Variants in POPDC2 observed in about 807,000 individuals in gnomAD.
POPDC2 encodes the protein popeye domain-containing protein 2.
In POPDC2, 24 loss-of-function variants were observed where a neutral mutation model predicts 30.5. That is an observed-to-expected ratio of 0.79 (90% CI 0.57 to 1.11). POPDC2 has a LOEUF of 1.11. Ranked by LOEUF, POPDC2 falls within the 50% of genes least tolerant of loss-of-function variation. The pLI is 0.00. For missense variants in POPDC2, 409 were observed against 447.0 expected (o/e 0.91, Z 0.77); for synonymous variants, 185 against 183.3 (o/e 1.01, Z -0.07).
Position 119,648,531 on chromosome 3 carries a change from G to A in POPDC2, c.738C>T (p.Tyr246=), listed in dbSNP as rs760559312. ...TAGCAAAGAGCTTGTCATTGAGAGT[G>A]TAGAGCTTCTCTGAGATGTCATATC... is the stretch of plus-strand genomic sequence containing the variant. ...LLGYDISEKL[Y]TLNDKLFAKF... is the part of the protein sequence containing the mutation. The change falls in exon 3 of 4, where the codon TAC becomes TAT. Residue 246 remains tyrosine, a synonymous_variant. Coordinates refer to ENST00000493094, the MANE Select transcript of POPDC2 (RefSeq NM_001369919.2). The A allele has an allele frequency of 1.2e-6, 2 of 1,614,050 alleles. No homozygotes were observed. The highest frequency in any genetic ancestry group is 1.7e-6 in the Non-Finnish European group (2 of 1,180,042).
chr3:119,651,663 T>C (rs1042258971), intron 2 of POPDC2, among the ~76,000 whole-genome samples: 5 of 150,142 alleles, frequency 3.3e-5, no homozygotes, highest in Non-Finnish European at 7.4e-5. Flanking sequence ...TGAGACGAAG[T>C]CTTGCTCTGT....
chr3:119,660,661 C>T (rs1023298698), upstream of POPDC2: 8 of 288,038 alleles, frequency 2.8e-5, no homozygotes, highest in Admixed American at 6.7e-5. Context: ...CCTCTCCCCC[C>T]CTCTCTCCTC....
intron 1 of POPDC2, among the ~76,000 whole-genome samples, chr3:119,656,594 G>A (rs2629395): frequency 0.48 from 72,806 of 151,888 alleles, 17,726 homozygotes; most frequent in East Asian, 0.66. Context: ...CATTGATGAT[G>A]CCTGAGGACA....
At position 119,660,234 on chromosome 3, in the gene POPDC2, A is replaced by G. The variant is rs1425196398; in HGVS notation, c.190T>C (p.Cys64Arg). The change falls in exon 1 of 4, where the codon TGC becomes CGC. Residue 64 changes from cysteine (C) to arginine (R), a missense_variant. By Grantham distance (180) the Cys-to-Arg change is radical. Transcript: ENST00000493094. ...FGFLSAGYLC[C>R]VLWGWFSACG... The stretch of plus-strand genomic sequence containing the variant: ...GCACTGAACCAGCCCCACAGCACGC[A>G]GCACAGGTAACCTGCACTCAGGAAG... The G allele has an allele frequency of 1.2e-6, 2 of 1,614,108 alleles. No homozygotes were observed. The highest frequency in any genetic ancestry group is 2.7e-5 in the African/African-American group (2 of 74,928).
In POPDC2 at chr3:119,660,483, A is replaced by G. The variant is rs1453357648; in HGVS notation, c.-60T>C. 2 of 1,531,986 alleles carry G rather than the reference A, an allele frequency of 1.3e-6. No homozygotes were observed. Among genetic ancestry groups the G allele is most frequent in the African/African-American group, 2.8e-5 (2 of 72,630 alleles). 94.9% of individuals were successfully genotyped at this position (1,531,986 alleles called of 1,614,324 possible). On this transcript the variant is annotated 5_prime_UTR_variant, in exon 1 of 4. Transcript: ENST00000493094. Reference sequence around the variant, plus strand: ...TACTGTCCTCACATAGGAAATTCAGAAAATGAATGAATCCATCCGCTCAGG... The same window carrying G: ...TACTGTCCTCACATAGGAAATTCAGGAAATGAATGAATCCATCCGCTCAGG...
At chr3:119,643,537 A>G in intron 3 of POPDC2, 2 of 896,698 alleles carry the variant, frequency 2.2e-6, no homozygotes, top group Non-Finnish European at 3.5e-6. Context: ...ACATTTAACT[A>G]GTGCTTCAGA....
chr3:119,650,751 G>A (rs1258215445), intron 2 of POPDC2, among the ~76,000 whole-genome samples: 1 of 152,140 alleles, frequency 6.6e-6, no homozygotes, highest in African/African-American at 2.4e-5. Flanking sequence ...AATATCATCT[G>A]CATACAACCA....
chr3:119,651,914 G>T (rs1181201778), intron 2 of POPDC2, among the ~76,000 whole-genome samples: 2 of 152,160 alleles, frequency 1.3e-5, no homozygotes, highest in African/African-American at 4.8e-5. Flanking sequence ...GGTTATAGGT[G>T]TGAGCCACCG....
chr3:119,642,464 G>A lies in POPDC2; in HGVS notation c.*141C>T. 1 of 1,585,808 alleles carries A rather than the reference G, an allele frequency of 6.3e-7. No homozygotes were observed. Among genetic ancestry groups the A allele is most frequent in the Non-Finnish European group, 8.7e-7 (1 of 1,154,484 alleles). On this transcript the variant is annotated 3_prime_UTR_variant, in exon 4 of 4. Coordinates refer to ENST00000493094, the MANE Select transcript of POPDC2 (RefSeq NM_001369919.2). ...AGCTGCGCTGGCCACAGAGAAGATA[G>A]TCCAATGATCCTTAAAGTTCAGGCG... is the stretch of plus-strand genomic sequence containing the variant.
chr3:119,659,211 G>C (rs977177271), intron 1 of POPDC2, among the ~76,000 whole-genome samples: 1 of 152,156 alleles, frequency 6.6e-6, no homozygotes, highest in Non-Finnish European at 1.5e-5. Context: ...CAAAAGAGGC[G>C]GTGCTTCCAC....
intron 1 of POPDC2, among the ~76,000 whole-genome samples, chr3:119,656,306 C>T (rs1315194445): frequency 6.6e-6 from 1 of 151,930 alleles, no homozygotes; most frequent in African/African-American, 2.4e-5. Context: ...ACCTTTTTTC[C>T]CCCTTCTGTT....
intron 2 of POPDC2, among the ~76,000 whole-genome samples, chr3:119,649,212 C>T (rs141016355): frequency 3.5e-4 from 53 of 152,180 alleles, no homozygotes; most frequent in African/African-American, 1.1e-3. Flanking sequence ...GGTTGGGATA[C>T]GAGCAAGTTA....
At chr3:119,644,566 T>C (rs529619144) in intron 3 of POPDC2, among the ~76,000 whole-genome samples, 2 of 152,196 alleles carry the variant, frequency 1.3e-5, no homozygotes, top group South Asian at 4.1e-4. Context: ...CTAAAAAACA[T>C]ATGTCTCTTC....
At chr3:119,659,070 A>G (rs1037483707) in intron 1 of POPDC2, among the ~76,000 whole-genome samples, 1 of 152,144 alleles carries the variant, frequency 6.6e-6, no homozygotes, top group African/African-American at 2.4e-5. Context: ...TTGCCTACTA[A>G]GTGTGTAGCA....
chr3:119,645,902 C>T (rs1434641071), intron 3 of POPDC2, among the ~76,000 whole-genome samples: 1 of 152,164 alleles, frequency 6.6e-6, no homozygotes, highest in African/African-American at 2.4e-5. Context: ...TGGTCCAACA[C>T]GCTCAAATGA....
chr3:119,645,827 T>C (rs981183364), intron 3 of POPDC2, among the ~76,000 whole-genome samples: 1 of 152,220 alleles, frequency 6.6e-6, no homozygotes, highest in Non-Finnish European at 1.5e-5. Flanking sequence ...CTACTCCTCT[T>C]TTCTTCCTTT....
chr3:119,654,451 G>C, intron 2 of POPDC2, 54 bp downstream of exon 2: 1 of 1,201,944 alleles, frequency 8.3e-7, no homozygotes, highest in Non-Finnish European at 1.2e-6. Flanking sequence ...CACGGATATT[G>C]CTGGGCTACA....
chr3:119,645,746 A>G (rs540412140), intron 3 of POPDC2, among the ~76,000 whole-genome samples: 1 of 152,126 alleles, frequency 6.6e-6, no homozygotes, highest in East Asian at 1.9e-4. Context: ...TTGTAGTGAA[A>G]TATCACAGAG....
chr3:119,655,774 T>C (rs2052872861), intron 1 of POPDC2, among the ~76,000 whole-genome samples: 1 of 152,236 alleles, frequency 6.6e-6, no homozygotes, highest in African/African-American at 2.4e-5. Context: ...AGCGATCAAG[T>C]GGCGGAACTA....
Sources: allele counts gnomAD v4.1 joint callset (sites outside exome capture counted in the v4.1 genomes callset), GRCh38; gene constraint gnomAD v4.1.1; transcripts MANE v1.5; gene names NCBI Gene and HGNC (gene_info 2026-07-23, HGNC 2026-07-21).